MTERF4: variants seen among roughly 807,000 people sequenced by gnomAD.
MTERF4 encodes the protein mitochondrial transcription termination factor 4, also known as transcription termination factor 4, mitochondrial.
In MTERF4, 17 loss-of-function variants were observed where a neutral mutation model predicts 22.5. The ratio of observed to expected loss-of-function variants is 0.75; its 90% CI spans 0.52 to 1.13. The LOEUF (loss-of-function observed/expected upper bound fraction) is 1.13. Ranked by LOEUF, MTERF4 falls within the 50% of genes most tolerant of loss-of-function variation. MTERF4 has a pLI of 0.00. For synonymous variants in MTERF4, 165 were observed against 175.3 expected, an observed-to-expected ratio of 0.94 and a Z score of 0.47; for missense variants, 420 against 466.8, an observed-to-expected ratio of 0.90 and a Z score of 0.92.
At chr2:241,080,326 A>T (rs965905453) in intron 4 of MTERF4, among the ~76,000 whole-genome samples, 7 of 152,214 alleles carry the variant, frequency 4.6e-5, no homozygotes, top group Non-Finnish European at 1.0e-4. Context: ...GATTCTGTTA[A>T]TTTGAAATGG....
At position 241,081,760 on chromosome 2, in the gene MTERF4, G is replaced by A. The variant is rs757388851; in HGVS notation, n.480-6078C>T. On this transcript the variant is annotated intron_variant and non_coding_transcript_variant, in intron 4 of 4. Coordinates refer to the MTERF4 transcript ENST00000464344. ...CGCAGACGCCCACAGCTGTGACTGC[G>A]GGCCAGGGTTCAAAGGCAGACGCTG... is the stretch of plus-strand genomic sequence containing the variant. The A allele has an allele frequency of 5.0e-5, 80 of 1,602,710 alleles. No individual in the cohort carries two copies. In the Middle Eastern group the frequency reaches 6.6e-4, roughly 13 times the overall value.
chr2:241,097,217 C>G (rs2064481314), intron 3 of MTERF4, 26 bp downstream of exon 3: 2 of 1,610,918 alleles, frequency 1.2e-6, no homozygotes, highest in Non-Finnish European at 1.7e-6. Context: ...TGAAACTACG[C>G]TAATCACGCT....
At chr2:241,090,868 CAAA>C (rs371271027), downstream of MTERF4, among the ~76,000 whole-genome samples, 13 of 100,738 alleles carry the variant, frequency 1.3e-4, no homozygotes, top group Admixed American at 1.1e-4. Flanking sequence ...CCCTCTGTCT[CAAA>C]AAAAAAAAAA....
the MTERF4 span, chr2:241,063,884 C>A: frequency 1.3e-6 from 1 of 789,578 alleles, no homozygotes; most frequent in Non-Finnish European, 2.0e-6. Context: ...AGGGGCGGGA[C>A]CTGCCCACTG....
At chr2:241,062,558 G>C in the MTERF4 span, among the ~76,000 whole-genome samples, 264 of 152,242 alleles carry the variant, frequency 1.7e-3, no homozygotes, top group African/African-American at 6.0e-3. Context: ...TCTTCTGGGA[G>C]CCCTGGGGTG....
At position 241,073,475 on chromosome 2, in the gene MTERF4, C is replaced by G; in HGVS notation, n.2687G>C. On this transcript the variant is annotated non_coding_transcript_exon_variant, in exon 5 of 5. Coordinates refer to the MTERF4 transcript ENST00000464344. The surrounding 1 kb of genome is among the most constrained non-coding windows in gnomAD (Gnocchi z 6.6). ...CGGTGAGGAATCAGGAGGCACAGAGCCTACCTGAGGGGAGGCTGAGCACCA... is the reference window on the plus strand; with the variant it reads ...CGGTGAGGAATCAGGAGGCACAGAGGCTACCTGAGGGGAGGCTGAGCACCA... 1.1e-6 allele frequency: 1 copy of G among 897,116 alleles called. No homozygotes were observed. Among genetic ancestry groups the G allele is most frequent in the East Asian group, 2.7e-5 (1 of 37,682 alleles). 55.6% of individuals were successfully genotyped at this position (897,116 alleles called of 1,614,324 possible).
chr2:241,089,100 CA>C (rs2063744040), downstream of MTERF4: 12 of 499,684 alleles, frequency 2.4e-5, no homozygotes, highest in South Asian at 4.2e-4. Context: ...GAATCTTAAA[CA>C]ACACTGGCAT....
the MTERF4 span, chr2:241,062,911 G>C: frequency 1.3e-6 from 2 of 1,572,940 alleles, no homozygotes. Context: ...CTGGGTAAGA[G>C]GGGCCCTGGC....
chr2:241,089,181 T>C (rs1187704332), downstream of MTERF4: 1 of 1,022,590 alleles, frequency 9.8e-7, no homozygotes, highest in East Asian at 2.7e-5. Context: ...ACCAGTTTCA[T>C]ACTGACCATC....
chr2:241,071,103 C>T (rs1466855735), downstream of MTERF4, among the ~76,000 whole-genome samples: 1 of 152,176 alleles, frequency 6.6e-6, no homozygotes, highest in East Asian at 1.9e-4. Flanking sequence ...GAGGGCCCAG[C>T]CTGGGAGGCT....
chr2:241,080,241 G>A (rs2063267378), intron 4 of MTERF4, among the ~76,000 whole-genome samples: 1 of 152,060 alleles, frequency 6.6e-6, no homozygotes. Flanking sequence ...CTGAGATCGC[G>A]ACACTGCACT....
chr2:241,065,539 G>A, the MTERF4 span: 3 of 1,612,878 alleles, frequency 1.9e-6, no homozygotes, highest in Non-Finnish European at 8.5e-7. Context: ...TCAGTGAAGC[G>A]AAACAGTAAC....
At chr2:241,069,648 G>A (rs967585723), downstream of MTERF4, among the ~76,000 whole-genome samples, 1 of 152,190 alleles carries the variant, frequency 6.6e-6, no homozygotes, top group African/African-American at 2.4e-5. The surrounding 1 kb of genome is among the most constrained non-coding windows in gnomAD (Gnocchi z 4.9). Context: ...GCCGCAGGGA[G>A]GGCGCCAGCT....
chr2:241,063,284 C>G, the MTERF4 span: 263,393 of 499,228 alleles, frequency 0.53, 69,914 homozygotes, highest in East Asian at 0.59. Context: ...GAAACGCAGG[C>G]TCCAGGGAGG....
chr2:241,092,308 A>T (rs1419897103), downstream of MTERF4: 1 of 152,248 alleles, frequency 6.6e-6, no homozygotes, highest in African/African-American at 2.4e-5. The surrounding 1 kb of genome is among the most constrained non-coding windows in gnomAD (Gnocchi z 4.6). Context: ...ATCAAGGGTC[A>T]GACGGTAAAC....
chr2:241,071,717 C>CCCCCCCGGA, downstream of MTERF4: 1 of 1,505,870 alleles, frequency 6.6e-7, no homozygotes, highest in Non-Finnish European at 9.0e-7. Context: ...ACCCAGCCCC[C>CCCCCCCGGA]CAGGTACATG....
chr2:241,071,467 C>T (rs2062712106), downstream of MTERF4: 5 of 1,316,118 alleles, frequency 3.8e-6, no homozygotes, highest in Admixed American at 2.0e-5. Flanking sequence ...TGCCCCCCTT[C>T]CCTTCTCCAA....
At chr2:241,102,181 G>GCCGCGGTTCCTCTGCGT in intron 1 of MTERF4, 72 bp downstream of exon 1, 1 of 1,544,508 alleles carries the variant, frequency 6.5e-7, no homozygotes, top group South Asian at 1.2e-5. Context: ...ACACTCGGCG[G>GCCGCGGTTCCTCTGCGT]CCGCGGTTCC....
chr2:241,048,655 G>A, the MTERF4 span: 24 of 1,604,852 alleles, frequency 1.5e-5, no homozygotes, highest in African/African-American at 2.5e-4. Flanking sequence ...CCCTCTCTTC[G>A]TGGCAGGAGT....
Sources: gnomAD v4.1 joint callset for allele counts (sites outside exome capture counted in the v4.1 genomes callset) on GRCh38, gnomAD v4.1.1 for gene constraint, Gnocchi (gnomAD v3.1) non-coding constraint, MANE v1.5 for transcripts, NCBI Gene and HGNC (gene_info 2026-07-23, HGNC 2026-07-21) for gene names.